Variants in NAT2 observed in about 807,000 individuals in gnomAD.
NAT2 encodes arylamine N-acetyltransferase 2.
For synonymous variants in NAT2, 137 were observed against 125.9 expected (o/e 1.09, Z -0.59); for missense variants, 428 against 339.1 (o/e 1.26, Z -2.06).
At position 18,400,708 on chromosome 8, in the gene NAT2, G is replaced by A. The variant is rs1175706747; in HGVS notation, c.705G>A (p.Val235=). ...CCCCAGAAGGGGTTTACTGTTTGGT[G>A]GGCTTCATCCTCACCTATAGAAAAT... The part of the protein sequence containing the change: ...LQTPEGVYCL[V]GFILTYRKFN... The change falls in exon 2 of 2, where the codon GTG becomes GTA. Residue 235 remains valine, a synonymous_variant. Transcript: ENST00000286479. 6.2e-7 allele frequency: 1 copy of A among 1,613,650 alleles called. No individual in the cohort carries two copies. The highest frequency in any genetic ancestry group is 8.5e-7 in the Non-Finnish European group (1 of 1,179,938).
chr8:18,390,630 A>G (rs1800577233), upstream of NAT2, among the ~76,000 whole-genome samples: 1 of 152,060 alleles, frequency 6.6e-6, no homozygotes, highest in South Asian at 2.1e-4. Context: ...ATTTACACAA[A>G]TCTTTTCATT....
At position 18,399,992 on chromosome 8, in the gene NAT2, G is replaced by A; in HGVS notation, c.-6-6G>A. Reference sequence around the variant, plus strand: ...TATGTTTTTATGTTTTGTTTTTCTTGCTTAGGGGATCATGGACATTGAAGC... The same window carrying A: ...TATGTTTTTATGTTTTGTTTTTCTTACTTAGGGGATCATGGACATTGAAGC... On this transcript the variant is annotated splice_polypyrimidine_tract_variant and splice_region_variant and intron_variant, in intron 1 of 1. Transcript: ENST00000286479. 6.4e-7 allele frequency: 1 copy of A among 1,554,848 alleles called. No individual in the cohort carries two copies. Among genetic ancestry groups the A allele is most frequent in the African/African-American group, 1.4e-5 (1 of 72,724 alleles).
At chr8:18,398,851 G>C (rs1800739106) in intron 1 of NAT2, among the ~76,000 whole-genome samples, 1 of 152,186 alleles carries the variant, frequency 6.6e-6, no homozygotes, top group African/African-American at 2.4e-5. Context: ...TGGTCCTAGA[G>C]CTGTTGTGTT....
intron 1 of NAT2, among the ~76,000 whole-genome samples, chr8:18,392,879 G>A (rs1800612986): frequency 6.6e-6 from 1 of 152,160 alleles, no homozygotes; most frequent in African/African-American, 2.4e-5. Flanking sequence ...AGCAAAGGTG[G>A]CCTTGTTATG....
intron 1 of NAT2, among the ~76,000 whole-genome samples, chr8:18,395,145 G>A (rs1440266337): frequency 6.6e-6 from 1 of 152,058 alleles, no homozygotes; most frequent in Non-Finnish European, 1.5e-5. Context: ...GAACATATTA[G>A]TTCTCCATGA....
At position 18,400,760 on chromosome 8, in the gene NAT2, G is replaced by A. The variant is rs1473049060; in HGVS notation, c.757G>A (p.Val253Ile). ...KFNYKDNTDL[V>I]EFKTLTEEEV... ...CAATTATAAAGACAATACAGATCTGGTCGAGTTTAAAACTCTCACTGAGGA... is the reference window on the plus strand; with the variant it reads ...CAATTATAAAGACAATACAGATCTGATCGAGTTTAAAACTCTCACTGAGGA... The change falls in exon 2 of 2, where the codon GTC becomes ATC. Residue 253 changes from valine (V) to isoleucine (I), a missense_variant. By Grantham distance (29) the Val-to-Ile change is conservative (BLOSUM62 3). Transcript: ENST00000286479. The A allele has an allele frequency of 3.1e-6, 5 of 1,613,360 alleles. No individual in the cohort carries two copies. Among genetic ancestry groups the A allele is most frequent in the Non-Finnish European group, 3.4e-6 (4 of 1,179,920 alleles).
upstream of NAT2, among the ~76,000 whole-genome samples, chr8:18,389,862 G>C (rs886484412): frequency 6.6e-6 from 1 of 152,188 alleles, no homozygotes; most frequent in African/African-American, 2.4e-5. Flanking sequence ...CTAAAACCAG[G>C]CCACAAGACA....
intron 1 of NAT2, 125 bp from the exon 2 acceptor site, chr8:18,399,873 T>C (rs1048427376): frequency 2.1e-5 from 23 of 1,099,604 alleles, no homozygotes; most frequent in Non-Finnish European, 2.8e-5. Flanking sequence ...AAAGAATTAC[T>C]ATGACAGATA....
chr8:18,398,953 T>C (rs776797111), intron 1 of NAT2, among the ~76,000 whole-genome samples: 1 of 152,212 alleles, frequency 6.6e-6, no homozygotes, highest in African/African-American at 2.4e-5. Flanking sequence ...TCACTTTGAT[T>C]AGGCGAACAC....
chr8:18,392,353 T>C (rs895939204), intron 1 of NAT2, among the ~76,000 whole-genome samples: 1 of 152,076 alleles, frequency 6.6e-6, no homozygotes, highest in Non-Finnish European at 1.5e-5. Context: ...ACCTCAAAAG[T>C]AGGGAAGCCG....
Position 18,400,290 on chromosome 8 carries a change from C to A in NAT2, c.287C>A (p.Pro96His), listed in dbSNP as rs761144507. The change falls in exon 2 of 2, where the codon CCT becomes CAT. Residue 96 changes from proline to histidine, a missense_variant. By Grantham distance (77) the Pro-to-His change is moderately conservative. Transcript: ENST00000286479. Reference sequence around the variant, plus strand: ...ATGTTAGGAGGGTATTTTTACATCCCTCCAGTTAACAAATACAGCACTGGC... The same window carrying A: ...ATGTTAGGAGGGTATTTTTACATCCATCCAGTTAACAAATACAGCACTGGC... The part of the protein sequence containing the change: ...TTMLGGYFYI[P>H]PVNKYSTGMV... 2.5e-6 allele frequency: 4 copies of A among 1,613,668 alleles called. No individual in the cohort carries two copies. The highest frequency in any genetic ancestry group is 2.5e-6 in the Non-Finnish European group (3 of 1,179,810).
intron 1 of NAT2, among the ~76,000 whole-genome samples, chr8:18,399,036 T>C (rs1017059510): frequency 6.6e-6 from 1 of 152,190 alleles, no homozygotes; most frequent in Admixed American, 6.5e-5. Flanking sequence ...GAAGCCAAAA[T>C]ATAAGCATTG....
At chr8:18,395,455 A>G (rs951820921) in intron 1 of NAT2, among the ~76,000 whole-genome samples, 2 of 152,192 alleles carry the variant, frequency 1.3e-5, no homozygotes, top group Non-Finnish European at 2.9e-5. Flanking sequence ...TGAAAAACAT[A>G]CTAGTAACAG....
upstream of NAT2, among the ~76,000 whole-genome samples, chr8:18,389,830 AAG>A (rs1800565080): frequency 6.6e-6 from 1 of 152,232 alleles, no homozygotes; most frequent in African/African-American, 2.4e-5. Context: ...TGGTAAGTTA[AAG>A]AGACTTAGGT....
upstream of NAT2, among the ~76,000 whole-genome samples, chr8:18,388,906 G>A (rs1168679826): frequency 2.0e-5 from 3 of 152,160 alleles, no homozygotes; most frequent in East Asian, 5.8e-4. Context: ...CTTTGATGAA[G>A]TCAAATTTTG....
chr8:18,393,078 G>T (rs1485656424), intron 1 of NAT2, among the ~76,000 whole-genome samples: 2 of 151,698 alleles, frequency 1.3e-5, no homozygotes, highest in African/African-American at 4.8e-5. Context: ...TGCCACTTCT[G>T]CTTGTTGGCC....
At chr8:18,388,433 G>A (rs1484312094), upstream of NAT2, among the ~76,000 whole-genome samples, 2 of 142,266 alleles carry the variant, frequency 1.4e-5, no homozygotes, top group African/African-American at 5.2e-5. Context: ...GAAGATGGGA[G>A]GGATTATCCC....
chr8:18,391,353 G>C lies in NAT2; in HGVS notation c.-7+8G>C, dbSNP rs1219507603. On this transcript the variant is annotated splice_region_variant and intron_variant, in intron 1 of 1. Coordinates refer to ENST00000286479, the MANE Select transcript of NAT2 (RefSeq NM_000015.3). ...TCCTGGTTGCTGGCCAAAGTAAGTA[G>C]AACTTTGTAAGTAATTTGCAGTGTA... 1.3e-5 allele frequency: 2 copies of C among 152,136 alleles called. No individual in the cohort carries two copies. Among genetic ancestry groups the C allele is most frequent in the Non-Finnish European group, 2.9e-5 (2 of 67,982 alleles). The allele number at this position is 152,136 out of a possible 1,614,324, so 9.4% of individuals were successfully genotyped here. A position where few individuals can be genotyped will look rare whatever the true frequency, so the allele number is the denominator to read the frequency against.
upstream of NAT2, among the ~76,000 whole-genome samples, chr8:18,386,785 A>G (rs1174678211): frequency 1.3e-5 from 2 of 151,686 alleles, no homozygotes; most frequent in South Asian, 2.1e-4. Context: ...CAGGCCTCAC[A>G]GAGAAGACTG....
Sources: allele counts gnomAD v4.1 joint callset (sites outside exome capture counted in the v4.1 genomes callset), GRCh38; gene constraint gnomAD v4.1.1; transcripts MANE v1.5; gene names NCBI Gene and HGNC (gene_info 2026-07-23, HGNC 2026-07-21).